C10orf67: variants seen among roughly 807,000 people sequenced by gnomAD.
C10orf67 encodes chromosome 10 open reading frame 67, also known as uncharacterized protein C10orf67, mitochondrial.
A neutral mutation model predicts 35.6 loss-of-function variants in C10orf67; 60 were observed. The observed-to-expected ratio is 1.68, with a 90% confidence interval of 1.37 to 2.09. The LOEUF is 2.09. Ranked by LOEUF, C10orf67 falls within the 30% of genes most tolerant of loss-of-function variation. C10orf67 has a pLI of 0.00. For synonymous variants in C10orf67, 167 were observed against 115.8 expected (o/e 1.44, Z -2.84); for missense variants, 474 against 330.2 (o/e 1.44, Z -3.38).
chr10:23,264,291 C>T (rs11594720), intron 10 of C10orf67, among the ~76,000 whole-genome samples: 1 of 152,136 alleles, frequency 6.6e-6, no homozygotes, highest in Non-Finnish European at 1.5e-5. Context: ...GTGTAAGTGA[C>T]GGTAATAACA....
At position 23,303,351 on chromosome 10, in the gene C10orf67, A is replaced by G. The variant is rs1461705184; in HGVS notation, c.655T>C (p.Leu219=). Residue 219 remains leucine (L), a synonymous_variant, in exon 5 of 16, where the codon TTA becomes CTA. Transcript: ENST00000636213. ...LKEKEEVIKE[L]KEELDQYKDF... Reference sequence around the variant, plus strand: ...TTATATTGGTCTAGTTCTTCTTTTAATTCTTTAATAACTTCTTCTTTCTCT... The same window carrying G: ...TTATATTGGTCTAGTTCTTCTTTTAGTTCTTTAATAACTTCTTCTTTCTCT... 1 of 636,936 alleles carries G rather than the reference A, an allele frequency of 1.6e-6. No individual in the cohort carries two copies. The highest frequency in any genetic ancestry group is 2.9e-5 in the East Asian group (1 of 34,334). 39.5% of individuals were successfully genotyped at this position (636,936 alleles called of 1,614,324 possible). A position where few individuals can be genotyped will look rare whatever the true frequency, so the allele number is the denominator to read the frequency against.
At chr10:23,290,147 A>G (rs1266296825) in intron 6 of C10orf67, among the ~76,000 whole-genome samples, 189 bp from the exon 7 acceptor site, 1 of 152,208 alleles carries the variant, frequency 6.6e-6, no homozygotes, top group Non-Finnish European at 1.5e-5. Context: ...ATGGCCGGTC[A>G]GATAGGGATT....
chr10:23,208,064 C>A (rs1588571137), intron 15 of C10orf67, among the ~76,000 whole-genome samples: 1 of 152,140 alleles, frequency 6.6e-6, no homozygotes, highest in South Asian at 2.1e-4. Context: ...AATATGGAAG[C>A]GTTAGGTAGT....
intron 8 of C10orf67, among the ~76,000 whole-genome samples, chr10:23,274,493 A>T (rs1843124244): frequency 6.6e-6 from 1 of 152,078 alleles, no homozygotes; most frequent in Admixed American, 6.6e-5. Flanking sequence ...TTGCTGGGAA[A>T]AGAATTCGGT....
At chr10:23,338,423 C>A (rs144010989) in intron 1 of C10orf67, among the ~76,000 whole-genome samples, 6 of 152,210 alleles carry the variant, frequency 3.9e-5, no homozygotes, top group African/African-American at 1.4e-4. Context: ...AGCCACCTAG[C>A]GACAGGTTGA....
rs983315812 is a variant in C10orf67, at chr10:23,237,226, T to C, written c.1434+2503A>G. Among the ~76,000 whole-genome samples, 17 of 152,200 alleles carry C rather than the reference T, an allele frequency of 1.1e-4. 1 individual carries two copies. Among genetic ancestry groups the C allele is most frequent in the African/African-American group, 2.9e-4 (12 of 41,454 alleles). On this transcript the variant is annotated intron_variant, in intron 13 of 15. Coordinates refer to ENST00000636213, the MANE Select transcript of C10orf67 (RefSeq NM_001371909.1). Reference sequence around the variant, plus strand: ...AAAGGACATGATCTCGTTCTTTTTTTATGGCTGCGTCATATTCCATGGTGT... The same window carrying C: ...AAAGGACATGATCTCGTTCTTTTTTCATGGCTGCGTCATATTCCATGGTGT...
chr10:23,233,085 G>T (rs373100163), intron 13 of C10orf67, among the ~76,000 whole-genome samples: 7 of 152,042 alleles, frequency 4.6e-5, no homozygotes, highest in African/African-American at 1.4e-4. Flanking sequence ...TGAGCTCAGA[G>T]GTTTGATGTT....
At chr10:23,275,460 T>G (rs1843160959) in intron 8 of C10orf67, among the ~76,000 whole-genome samples, 1 of 152,302 alleles carries the variant, frequency 6.6e-6, no homozygotes, top group East Asian at 1.9e-4. Flanking sequence ...CAGAGGCAAC[T>G]CTCCCCTGCA....
intron 15 of C10orf67, among the ~76,000 whole-genome samples, chr10:23,205,303 C>T (rs1841127285): frequency 6.6e-6 from 1 of 152,178 alleles, no homozygotes; most frequent in African/African-American, 2.4e-5. Flanking sequence ...AGATACAGAG[C>T]TTGTGAGATG....
At chr10:23,324,932 G>A (rs577952115) in intron 2 of C10orf67, among the ~76,000 whole-genome samples, 305 of 152,202 alleles carry the variant, frequency 2.0e-3, no homozygotes, top group Non-Finnish European at 3.6e-3. Flanking sequence ...TATATAGGAG[G>A]TTTTATTTTA....
At chr10:23,259,185 C>T (rs1266535824) in intron 10 of C10orf67, among the ~76,000 whole-genome samples, 1 of 152,168 alleles carries the variant, frequency 6.6e-6, no homozygotes, top group Non-Finnish European at 1.5e-5. Context: ...CTTTAGTGAG[C>T]TCTAATTTGG....
chr10:23,237,148 T>A (rs973398570), intron 13 of C10orf67, among the ~76,000 whole-genome samples: 18 of 152,172 alleles, frequency 1.2e-4, no homozygotes, highest in African/African-American at 4.3e-4. Context: ...GGTTTTCTGC[T>A]TCTGTGTTAG....
intron 12 of C10orf67, among the ~76,000 whole-genome samples, chr10:23,248,735 G>A (rs1226841524): frequency 3.3e-5 from 5 of 152,082 alleles, no homozygotes; most frequent in African/African-American, 4.8e-5. Context: ...ATGCCACATT[G>A]AATTAATATC....
chr10:23,293,619 A>G (rs1352888410), intron 5 of C10orf67, among the ~76,000 whole-genome samples: 1 of 152,236 alleles, frequency 6.6e-6, no homozygotes, highest in Non-Finnish European at 1.5e-5. Context: ...AAACCACACT[A>G]TAAGAGAGAC....
intron 10 of C10orf67, chr10:23,258,245 TC>T: frequency 6.0e-6 from 1 of 167,406 alleles, no homozygotes; most frequent in South Asian, 1.5e-4. Flanking sequence ...GCTACTGGAA[TC>T]CCTAGTAGCA....
chr10:23,276,086 G>T (rs10828421), intron 8 of C10orf67, among the ~76,000 whole-genome samples: 14,767 of 152,116 alleles, frequency 0.097, 1,712 homozygotes, highest in East Asian at 0.66. Flanking sequence ...AGGACTGTGG[G>T]GTTTCTCAGG....
In C10orf67 at chr10:23,293,738, T is replaced by G. The variant is rs571877413; in HGVS notation, c.703-2459A>C. The stretch of plus-strand genomic sequence containing the variant: ...CTAGGGCTTCAGGTGGTGGCATATG[T>G]GCTATATCTTTTGTGAATATTCACA... On this transcript the variant is annotated intron_variant, in intron 5 of 15. Transcript: ENST00000636213. 2.6e-5 allele frequency among the ~76,000 whole-genome samples: 4 copies of G among 152,364 alleles called. No individual in the cohort carries two copies. The South Asian group carries it at 8.3e-4, about 32-fold the overall frequency.
chr10:23,303,835 A>G (rs1479802120), intron 4 of C10orf67, among the ~76,000 whole-genome samples: 3 of 152,200 alleles, frequency 2.0e-5, no homozygotes, highest in Non-Finnish European at 2.9e-5. Context: ...AGTTCCCTTG[A>G]GGGAGATTTG....
chr10:23,249,519 A>C (rs1814869801), intron 12 of C10orf67, among the ~76,000 whole-genome samples: 1 of 152,228 alleles, frequency 6.6e-6, no homozygotes, highest in African/African-American at 2.4e-5. Flanking sequence ...TTTTACTACA[A>C]GGTGTTTTTG....
Sources: allele counts gnomAD v4.1 joint callset (sites outside exome capture counted in the v4.1 genomes callset), GRCh38; gene constraint gnomAD v4.1.1; transcripts MANE v1.5; gene names NCBI Gene and HGNC (gene_info 2026-07-23, HGNC 2026-07-21).